LIG1: variants seen among roughly 807,000 people sequenced by gnomAD.
LIG1 encodes ligase I, DNA, ATP-dependent.
A neutral mutation model predicts 115.7 loss-of-function variants in LIG1; 70 were observed. That is an observed-to-expected ratio of 0.60 (90% CI 0.50 to 0.74). LIG1 has a LOEUF of 0.74. Among genes scored for constraint, LIG1 ranks in the 30% least tolerant of loss-of-function variants. The probability of loss-of-function intolerance (pLI) is 0.00; values close to 1 mark genes in which losing one functional copy is unlikely to be tolerated. For missense variants in LIG1, 1,115 were observed against 1,225.6 expected (o/e 0.91, Z 1.35); for synonymous variants, 487 against 495.3 (o/e 0.98, Z 0.22).
intron 25 of LIG1, 88 bp from the exon 26 acceptor site, chr19:48,117,869 G>C: frequency 2.1e-6 from 3 of 1,445,158 alleles, no homozygotes; most frequent in Non-Finnish European, 2.9e-6. Context: ...AGGGAGGAAG[G>C]GAAAAAAACA....
chr19:48,121,843 G>T (rs1208510747), intron 23 of LIG1, among the ~76,000 whole-genome samples: 1 of 152,154 alleles, frequency 6.6e-6, no homozygotes, highest in African/African-American at 2.4e-5. Context: ...GGGAAACGCA[G>T]GCGGGATCGA....
chr19:48,140,228 C>T (rs530419804), intron 11 of LIG1, 85 bp from the exon 12 acceptor site: 5 of 872,422 alleles, frequency 5.7e-6, no homozygotes, highest in Non-Finnish European at 5.5e-6. Context: ...AGGGGGTGGA[C>T]ACTAGAAAGA....
Position 48,132,336 on chromosome 19 carries a change from G to A in LIG1, c.1725+646C>T, listed in dbSNP as rs919045382. Among the ~76,000 whole-genome samples, 17 of 152,078 alleles carry A rather than the reference G, an allele frequency of 1.1e-4. No homozygotes were observed. The East Asian group carries it at 1.4e-3, about 12-fold the overall frequency. ...CCTGGATCACAGGACACACATGCAC[G>A]TCACGGCATGAAGGGGTCATGTAGG... is the stretch of plus-strand genomic sequence containing the variant. On this transcript the variant is annotated intron_variant, in intron 18 of 27. Coordinates refer to ENST00000263274, the MANE Select transcript of LIG1 (RefSeq NM_000234.3).
At chr19:48,155,953 G>C (rs1387646720) in intron 5 of LIG1, among the ~76,000 whole-genome samples, 1 of 152,048 alleles carries the variant, frequency 6.6e-6, no homozygotes, top group East Asian at 1.9e-4. Context: ...CAGCTCCCCT[G>C]TCACACTCAC....
In LIG1 at chr19:48,155,983, G is replaced by A. The variant is rs557749658; in HGVS notation, c.370+1031C>T. 1.7e-4 allele frequency among the ~76,000 whole-genome samples: 26 copies of A among 152,306 alleles called. No individual in the cohort carries two copies. The South Asian group carries it at 5.0e-3, about 29-fold the overall frequency. On this transcript the variant is annotated intron_variant, in intron 5 of 27. Transcript: ENST00000263274. ...ACTCACCACGCTAAAGCGCTCAATA[G>A]GCTAGACCGGACGGCAAGGGCTCAC...
intron 2 of LIG1, among the ~76,000 whole-genome samples, chr19:48,163,018 G>A (rs1291827271): frequency 2.6e-5 from 4 of 151,186 alleles, no homozygotes; most frequent in East Asian, 2.0e-4. Context: ...AGGTTCAAGC[G>A]ATTCTCCTGC....
At position 48,119,524 on chromosome 19, in the gene LIG1, CCA is replaced by C. The variant is rs1376797874; in HGVS notation, c.2386-336_2386-335del. Reference sequence around the variant, plus strand: ...GCCCAGTAACTGGCTGTCCTCACTTCCAGTCTTTTTTTTTTTTTTTTTTTTTT... The same window carrying C: ...GCCCAGTAACTGGCTGTCCTCACTTCGTCTTTTTTTTTTTTTTTTTTTTTT... On this transcript the variant is annotated intron_variant, in intron 24 of 27. Coordinates refer to ENST00000263274, the MANE Select transcript of LIG1 (RefSeq NM_000234.3). Among the ~76,000 whole-genome samples the C allele has an allele frequency of 2.0e-5, 3 of 146,760 alleles. No individual in the cohort carries two copies. The South Asian group carries it at 6.4e-4, about 32-fold the overall frequency.
At chr19:48,169,077 C>T (rs2036627405) in intron 1 of LIG1, among the ~76,000 whole-genome samples, 1 of 152,124 alleles carries the variant, frequency 6.6e-6, no homozygotes, top group Non-Finnish European at 1.5e-5. Context: ...TTGGGTGGAC[C>T]TCCAGGGCAT....
At chr19:48,119,569 A>T (rs2033125196) in intron 24 of LIG1, among the ~76,000 whole-genome samples, 1 of 109,252 alleles carries the variant, frequency 9.2e-6, no homozygotes, top group Non-Finnish European at 1.7e-5. Flanking sequence ...GACAGGGTGT[A>T]GCTCTGTTAT....
At chr19:48,127,757 TGGAGCTGTG>T in intron 20 of LIG1, 144 bp downstream of exon 20, 1 of 776,170 alleles carries the variant, frequency 1.3e-6, no homozygotes, top group Non-Finnish European at 2.4e-6. Flanking sequence ...ATGCGATGGC[TGGAGCTGTG>T]GCAGCCATTC....
intron 4 of LIG1, among the ~76,000 whole-genome samples, chr19:48,160,918 G>T (rs781411469): frequency 5.3e-5 from 8 of 151,856 alleles, no homozygotes; most frequent in Non-Finnish European, 1.0e-4. Flanking sequence ...ACATTTTTTT[G>T]TAGAGATGGG....
chr19:48,136,947 CCCT>C (rs1334535808), intron 14 of LIG1, 58 bp downstream of exon 14: 80 of 1,343,048 alleles, frequency 6.0e-5, no homozygotes, highest in Non-Finnish European at 6.9e-5. Flanking sequence ...GCCAGTCCCT[CCCT>C]CCTTTCACCT....
chr19:48,120,162 A>T (rs554376755), intron 24 of LIG1: 2 of 984,968 alleles, frequency 2.0e-6, no homozygotes, highest in South Asian at 9.4e-5. Context: ...AAGTAATCAC[A>T]TTACCCATCA....
intron 11 of LIG1, among the ~76,000 whole-genome samples, chr19:48,142,448 A>AAACAAAAAAAAAAAAAAAAC (rs1568516564): frequency 6.7e-6 from 1 of 150,084 alleles, no homozygotes; most frequent in Non-Finnish European, 1.5e-5. Flanking sequence ...ATCTCAAAAA[A>AAACAAAAAAAAAAAAAAAAC]AAAAAAAAAC....
In LIG1 at chr19:48,157,088, G is replaced by A. The variant is rs369809477; in HGVS notation, c.296C>T (p.Pro99Leu). 1 of 1,613,884 alleles carries A rather than the reference G, an allele frequency of 6.2e-7. No homozygotes were observed. The highest frequency in any genetic ancestry group is 8.5e-7 in the Non-Finnish European group (1 of 1,179,834). Reference protein sequence around the residue: ...QVSPPRPATSPENNASLSDTS... With the variant: ...QVSPPRPATSLENNASLSDTS... ...GTCAGAGAGGGAAGCATTGTTCTCA[G>A]GAGATGTGGCAGGACGGGGCGGGGA... The change falls in exon 5 of 28, where the codon CCT becomes CTT. Residue 99 changes from proline (P) to leucine (L), a missense_variant. Transcript: ENST00000263274.
chr19:48,136,239 G>C, intron 14 of LIG1, 114 bp from the exon 15 acceptor site: 2 of 756,148 alleles, frequency 2.6e-6, no homozygotes, highest in South Asian at 3.2e-5. Flanking sequence ...TCAAAAACCA[G>C]AAGAATCTTC....
chr19:48,137,584 G>C lies in LIG1; in HGVS notation c.1192C>G (p.Pro398Ala). ...STQRLMLPPP[P>A]LTASGVFSKF... is the part of the protein sequence containing the mutation. Reference sequence around the variant, plus strand: ...CTGAAGACCCCGGAGGCAGTGAGCGGAGGTGGTGGCAGCATGAGCCTCTGG... The same window carrying C: ...CTGAAGACCCCGGAGGCAGTGAGCGCAGGTGGTGGCAGCATGAGCCTCTGG... The change falls in exon 13 of 28, where the codon CCG becomes GCG. Residue 398 changes from proline to alanine, a missense_variant. Pro to Ala is a conservative substitution (Grantham distance 27). Coordinates refer to ENST00000263274, the MANE Select transcript of LIG1 (RefSeq NM_000234.3). This position sits in a 1 kb window ranked among gnomAD's most constrained non-coding sequence, Gnocchi z 4.3. 6.2e-7 allele frequency: 1 copy of C among 1,613,440 alleles called. No homozygotes were observed. The highest frequency in any genetic ancestry group is 8.5e-7 in the Non-Finnish European group (1 of 1,180,000).
chr19:48,126,400 G>C (rs918953995), intron 21 of LIG1, among the ~76,000 whole-genome samples: 3 of 152,108 alleles, frequency 2.0e-5, no homozygotes, highest in African/African-American at 7.2e-5. Flanking sequence ...GAGGTCAAGA[G>C]TTCGAGACCA....
At chr19:48,153,545 G>A (rs559111405) in intron 6 of LIG1, among the ~76,000 whole-genome samples, 5 of 151,728 alleles carry the variant, frequency 3.3e-5, no homozygotes, top group South Asian at 2.1e-4. Context: ...TCCCATATTG[G>A]TAGGTGGAAT....
Sources: gnomAD v4.1 joint callset for allele counts (sites outside exome capture counted in the v4.1 genomes callset) on GRCh38, gnomAD v4.1.1 for gene constraint, Gnocchi (gnomAD v3.1) non-coding constraint, MANE v1.5 for transcripts, NCBI Gene and HGNC (gene_info 2026-07-23, HGNC 2026-07-21) for gene names.